The following BCAT1 variants were observed in gnomAD, a reference collection of about 807,000 sequenced individuals.
BCAT1 encodes the protein branched chain amino acid transaminase 1.
BCAT1 carries 48 observed loss-of-function variants against 52.4 expected under a neutral mutation model. That is an observed-to-expected ratio of 0.92 (90% confidence interval 0.73 to 1.16). The LOEUF (loss-of-function observed/expected upper bound fraction) is 1.16. BCAT1 is among the 50% of genes most tolerant of loss of function. The pLI, the probability that BCAT1 is intolerant of heterozygous loss-of-function variation, is 0.00. For synonymous variants in BCAT1, 167 were observed against 161.3 expected (o/e 1.04, Z -0.27); for missense variants, 451 against 457.1 (o/e 0.99, Z 0.12).
chr12:24,948,813 G>T, intron 1 of BCAT1, 114 bp downstream of exon 1: 3 of 1,163,646 alleles, frequency 2.6e-6, no homozygotes, highest in Non-Finnish European at 3.7e-6. Flanking sequence ...GGGGATATAA[G>T]CCATGGTTGT....
At chr12:24,934,412 G>A (rs1359626498) in intron 1 of BCAT1, among the ~76,000 whole-genome samples, 3 of 152,064 alleles carry the variant, frequency 2.0e-5, no homozygotes, top group East Asian at 1.9e-4. Flanking sequence ...GTGTGAAAAC[G>A]GACTAATACA....
chr12:24,855,525 C>G (rs35277052), intron 5 of BCAT1, among the ~76,000 whole-genome samples: 4,571 of 152,206 alleles, frequency 0.03, 100 homozygotes, highest in Middle Eastern at 0.048. Flanking sequence ...GGATTACAGG[C>G]GTGCACCACC....
intron 5 of BCAT1, among the ~76,000 whole-genome samples, chr12:24,861,821 T>C (rs1204122339): frequency 6.6e-6 from 1 of 152,000 alleles, no homozygotes; most frequent in Non-Finnish European, 1.5e-5. Flanking sequence ...CAGATACAGG[T>C]CACAAAGAAC....
chr12:24,907,547 G>GCCC (rs1396383220), intron 1 of BCAT1, among the ~76,000 whole-genome samples: 2 of 152,084 alleles, frequency 1.3e-5, no homozygotes, highest in Admixed American at 1.3e-4. Context: ...ATTTGTTCCT[G>GCCC]CCCCACCCTA....
chr12:24,883,687 C>A (rs1942571103), intron 3 of BCAT1, among the ~76,000 whole-genome samples: 2 of 152,196 alleles, frequency 1.3e-5, no homozygotes, highest in African/African-American at 2.4e-5. Flanking sequence ...CAGTCCCCAA[C>A]CTTTTTGGCA....
In BCAT1 at chr12:24,810,288, T is replaced by C. The variant is rs373225501; in HGVS notation, c.*7720A>G. On this transcript the variant is annotated 3_prime_UTR_variant, in exon 11 of 11. Coordinates refer to ENST00000261192, the MANE Select transcript of BCAT1 (RefSeq NM_005504.7). ...CATAAAGTCAGGCTATGATAGCATA[T>C]TTCACTTAAAAATAAATTATCACAA... The C allele has an allele frequency of 4.6e-5, 7 of 152,202 alleles. No homozygotes were observed. Among genetic ancestry groups the C allele is most frequent in the South Asian group, 2.1e-4 (1 of 4,834 alleles). 9.4% of individuals were successfully genotyped at this position (152,202 alleles called of 1,614,324 possible).
chr12:24,839,837 C>CG (rs1435360852), intron 7 of BCAT1, among the ~76,000 whole-genome samples: 7 of 152,128 alleles, frequency 4.6e-5, no homozygotes, highest in Non-Finnish European at 8.8e-5. Flanking sequence ...ATTGTATTTT[C>CG]TTAAAATCAT....
rs1341774789 is a variant in BCAT1 at position 24,894,258 on chromosome 12, A to C, written c.279+17T>G. Reference sequence around the variant, plus strand: ...GAAGTGCAAGCATGTCACTCTCTTTAATTCCCATGTACTTACTTCCACTGC... The same window carrying C: ...GAAGTGCAAGCATGTCACTCTCTTTCATTCCCATGTACTTACTTCCACTGC... On this transcript the variant is annotated intron_variant, in intron 3 of 10. Transcript: ENST00000261192. The C allele has an allele frequency of 3.7e-6, 6 of 1,611,408 alleles. No homozygotes were observed. Among genetic ancestry groups the C allele is most frequent in the Non-Finnish European group, 5.1e-6 (6 of 1,177,778 alleles).
chr12:24,894,443 A>C lies in BCAT1; in HGVS notation c.111T>G (p.Ile37Met). The C allele has an allele frequency of 6.2e-7, 1 of 1,601,878 alleles. No individual in the cohort carries two copies. Among genetic ancestry groups the C allele is most frequent in the Non-Finnish European group, 8.5e-7 (1 of 1,173,414 alleles). ...TATTGGGGTCTGGTTTTTCCTTTAAAATGGTAGCTGGTGTGACTATTAGGT... is the reference window on the plus strand; with the variant it reads ...TATTGGGGTCTGGTTTTTCCTTTAACATGGTAGCTGGTGTGACTATTAGGT... ...AKDLIVTPATILKEKPDPNNL... is the reference protein window; with the variant it reads ...AKDLIVTPATMLKEKPDPNNL... The change falls in exon 3 of 11, where the codon ATT becomes ATG. Residue 37 changes from isoleucine to methionine, a missense_variant. Ile to Met is a conservative substitution (Grantham distance 10). Transcript: ENST00000261192.
intron 1 of BCAT1, among the ~76,000 whole-genome samples, chr12:24,942,054 G>A (rs556527902): frequency 2.0e-5 from 3 of 152,280 alleles, no homozygotes; most frequent in African/African-American, 7.2e-5. Context: ...TAGATTTTGC[G>A]TGGTGGAATG....
intron 2 of BCAT1, among the ~76,000 whole-genome samples, chr12:24,898,520 CTTTTTTT>C (rs71448094): frequency 7.8e-4 from 30 of 38,528 alleles, no homozygotes; most frequent in South Asian, 3.2e-3. Flanking sequence ...TCAGTCAACA[CTTTTTTT>C]TTTTTTTTTT....
intron 1 of BCAT1, among the ~76,000 whole-genome samples, chr12:24,908,722 C>G (rs928582416): frequency 1.3e-5 from 2 of 152,130 alleles, no homozygotes; most frequent in African/African-American, 4.8e-5. Context: ...GCCTAGGTGA[C>G]AGAGCAAGAC....
intron 10 of BCAT1, among the ~76,000 whole-genome samples, chr12:24,820,901 G>A (rs1000836117): frequency 5.3e-5 from 8 of 151,958 alleles, no homozygotes; most frequent in East Asian, 1.9e-4. Flanking sequence ...TCTACGCAAC[G>A]CCAATAAAAC....
At position 24,811,074 on chromosome 12, in the gene BCAT1, C is replaced by T. The variant is rs927465850; in HGVS notation, c.*6934G>A. On this transcript the variant is annotated 3_prime_UTR_variant, in exon 11 of 11. Coordinates refer to ENST00000261192, the MANE Select transcript of BCAT1 (RefSeq NM_005504.7). ...CCCATTCTGTGCAAATCTCAAACGA[C>T]AAAGCTAAGTTTTACTACAGATAAA... 5 of 152,092 alleles carry T rather than the reference C, an allele frequency of 3.3e-5. No homozygotes were observed. The highest frequency in any genetic ancestry group is 1.2e-4 in the African/African-American group (5 of 41,428). 9.4% of individuals were successfully genotyped at this position (152,092 alleles called of 1,614,324 possible).
chr12:24,859,157 T>A (rs1941777556), intron 5 of BCAT1, among the ~76,000 whole-genome samples: 1 of 152,242 alleles, frequency 6.6e-6, no homozygotes. Flanking sequence ...AGAATTGGAT[T>A]TGACATTCAT....
At chr12:24,908,733 C>T (rs1488314469) in intron 1 of BCAT1, among the ~76,000 whole-genome samples, 3 of 151,990 alleles carry the variant, frequency 2.0e-5, no homozygotes, top group Admixed American at 6.5e-5. Context: ...AGAGCAAGAC[C>T]CTGTCTTAAA....
intron 1 of BCAT1, among the ~76,000 whole-genome samples, chr12:24,933,463 C>T (rs753567453): frequency 6.6e-6 from 1 of 152,130 alleles, no homozygotes; most frequent in Non-Finnish European, 1.5e-5. Context: ...CCTTTCCCTG[C>T]AAGTTGCAGG....
intron 10 of BCAT1, among the ~76,000 whole-genome samples, chr12:24,820,566 C>G (rs1027124490): frequency 6.6e-6 from 1 of 152,144 alleles, no homozygotes; most frequent in African/African-American, 2.4e-5. Flanking sequence ...ACAGTGCAGG[C>G]TCACACCTTC....
chr12:24,916,054 G>A (rs1943402233), intron 1 of BCAT1, among the ~76,000 whole-genome samples: 1 of 152,192 alleles, frequency 6.6e-6, no homozygotes, highest in South Asian at 2.1e-4. Flanking sequence ...AGCTACTCGG[G>A]AGGCTGAAGC....
Sources: gnomAD v4.1 joint callset for allele counts (sites outside exome capture counted in the v4.1 genomes callset) on GRCh38, gnomAD v4.1.1 for gene constraint, MANE v1.5 for transcripts, NCBI Gene and HGNC (gene_info 2026-07-23, HGNC 2026-07-21) for gene names.